The following FAF1 variants were observed in gnomAD, a reference collection of about 807,000 sequenced individuals.
The protein encoded by FAF1 is Fas associated factor 1, also known as FAS-associated factor 1.
FAF1 carries 25 observed loss-of-function variants against 92.5 expected under a neutral mutation model. The ratio of observed to expected loss-of-function variants is 0.27; its 90% confidence interval spans 0.20 to 0.38. The LOEUF is 0.38. Among genes scored for constraint, FAF1 ranks in the 10% least tolerant of loss-of-function variants. FAF1 has a pLI of 1.00. For synonymous variants in FAF1, 234 were observed against 273.2 expected (o/e 0.86, Z 1.42); for missense variants, 636 against 793.3 (o/e 0.80, Z 2.38).
chr1:50,596,292 T>A, intron 8 of FAF1, 76 bp from the exon 9 acceptor site: 1 of 1,012,074 alleles, frequency 9.9e-7, no homozygotes, highest in Non-Finnish European at 1.5e-6. Context: ...TTTCAGGTAT[T>A]TTCTATTATT....
chr1:50,861,654 C>A (rs750970343), intron 1 of FAF1, among the ~76,000 whole-genome samples: 8 of 151,640 alleles, frequency 5.3e-5, no homozygotes, highest in Non-Finnish European at 1.2e-4. Context: ...TACCACTATA[C>A]AATATATCCA....
intron 18 of FAF1, among the ~76,000 whole-genome samples, chr1:50,459,338 C>T (rs1348292606): frequency 2.0e-5 from 3 of 152,146 alleles, no homozygotes; most frequent in African/African-American, 7.2e-5. Context: ...AAATCTGCTC[C>T]AGTCACTGCC....
In FAF1 at chr1:50,960,119, G is replaced by A; in HGVS notation, c.-308C>T. On this transcript the variant is annotated 5_prime_UTR_variant, in exon 1 of 19. Coordinates refer to ENST00000396153, the MANE Select transcript of FAF1 (RefSeq NM_007051.3). ...TCTTACAGTCGCGGGCCAGGATGAG[G>A]GCAGGTTGCGACAGCGCGCACCCGG... 5.2e-6 allele frequency: 2 copies of A among 381,006 alleles called. No individual in the cohort carries two copies. Among genetic ancestry groups the A allele is most frequent in the Non-Finnish European group, 9.3e-6 (2 of 214,418 alleles). The allele number at this position is 381,006 out of a possible 1,614,324, so 23.6% of individuals were successfully genotyped here. A position where few individuals can be genotyped will look rare whatever the true frequency, so the allele number is the denominator to read the frequency against.
At chr1:50,858,432 G>T (rs1644407109) in intron 1 of FAF1, among the ~76,000 whole-genome samples, 1 of 151,686 alleles carries the variant, frequency 6.6e-6, no homozygotes, top group African/African-American at 2.4e-5. Flanking sequence ...CTAGATCTGT[G>T]CTGTCTGATA....
At position 50,596,077 on chromosome 1, in the gene FAF1, G is replaced by A. The variant is rs185238825; in HGVS notation, c.840+44C>T. The A allele has an allele frequency of 1.0e-3, 1,376 of 1,326,824 alleles. 1 individual carries two copies. The highest frequency in any genetic ancestry group is 1.6e-3 in the Admixed American group (90 of 57,182). 82.2% of individuals were successfully genotyped at this position (1,326,824 alleles called of 1,614,324 possible). On this transcript the variant is annotated intron_variant, in intron 9 of 18. Coordinates refer to ENST00000396153, the MANE Select transcript of FAF1 (RefSeq NM_007051.3). The stretch of plus-strand genomic sequence containing the variant: ...AAAAGGGAAGTGCGCAGGTAGGTGG[G>A]GGATGGGCCTTCTGTTCAAAGAAAA...
intron 13 of FAF1, among the ~76,000 whole-genome samples, chr1:50,551,275 C>T (rs1419416488): frequency 6.6e-6 from 1 of 152,092 alleles, no homozygotes; most frequent in Non-Finnish European, 1.5e-5. Context: ...AATGTTTTCC[C>T]AATTCAAGCA....
intron 13 of FAF1, among the ~76,000 whole-genome samples, chr1:50,559,128 G>A (rs931159167): frequency 2.6e-5 from 4 of 152,066 alleles, no homozygotes; most frequent in Non-Finnish European, 2.9e-5. Context: ...GCAAGCGCCT[G>A]TAGCCCCAGC....
intron 15 of FAF1, among the ~76,000 whole-genome samples, chr1:50,519,441 A>AG: frequency 7.4e-6 from 1 of 136,004 alleles, no homozygotes; most frequent in East Asian, 2.5e-4. Flanking sequence ...GGAAGGAAGG[A>AG]GGAGGGAAGG....
intron 4 of FAF1, among the ~76,000 whole-genome samples, chr1:50,751,592 T>A (rs943329847): frequency 6.6e-6 from 1 of 152,174 alleles, no homozygotes; most frequent in Non-Finnish European, 1.5e-5. Flanking sequence ...TCCACCCACC[T>A]CAGCCTCCCA....
chr1:50,659,718 A>C (rs1431178272), intron 7 of FAF1, among the ~76,000 whole-genome samples: 2 of 152,210 alleles, frequency 1.3e-5, no homozygotes, highest in African/African-American at 4.8e-5. Context: ...TACCAGCTGA[A>C]CATTAAACTT....
chr1:50,578,624 T>C (rs1212391127), intron 12 of FAF1, among the ~76,000 whole-genome samples: 2 of 152,192 alleles, frequency 1.3e-5, no homozygotes, highest in African/African-American at 4.8e-5. Context: ...ATGTAGCTTT[T>C]CTGGACTTTC....
Position 50,753,921 on chromosome 1 carries a change from C to T in FAF1, c.368-9146G>A, listed in dbSNP as rs111776925. 3.1e-3 allele frequency among the ~76,000 whole-genome samples: 465 copies of T among 152,086 alleles called. 4 individuals carry two copies. Among genetic ancestry groups the T allele is most frequent in the African/African-American group, 0.011 (439 of 41,496 alleles). ...TACAGGGGTACGCCACCATGCTCAG[C>T]TAATTTTTGTATTTTTGGCAGAGAC... On this transcript the variant is annotated intron_variant, in intron 4 of 18. Transcript: ENST00000396153.
chr1:50,571,784 T>C (rs1311648156), intron 12 of FAF1, among the ~76,000 whole-genome samples: 2 of 152,166 alleles, frequency 1.3e-5, no homozygotes, highest in African/African-American at 4.8e-5. Context: ...ACTCTTAGTG[T>C]CACAGAACCA....
At chr1:50,935,789 TAACACATAG>T (rs1463988954) in intron 1 of FAF1, among the ~76,000 whole-genome samples, 3 of 152,232 alleles carry the variant, frequency 2.0e-5, no homozygotes, top group Admixed American at 6.5e-5. Context: ...TTCTTAAAGC[TAACACATAG>T]AAGTAATTAT....
chr1:50,726,815 C>T (rs544003401), intron 6 of FAF1, among the ~76,000 whole-genome samples: 4 of 152,172 alleles, frequency 2.6e-5, no homozygotes, highest in East Asian at 1.9e-4. Context: ...GGTGACAGAG[C>T]GAGACTCTGT....
chr1:50,870,143 G>C (rs539363463), intron 1 of FAF1, among the ~76,000 whole-genome samples: 1 of 152,154 alleles, frequency 6.6e-6, no homozygotes, highest in South Asian at 2.1e-4. Context: ...CTACAGCACC[G>C]TGAAGATATT....
chr1:50,468,866 G>T (rs1646534323), intron 18 of FAF1, among the ~76,000 whole-genome samples: 1 of 152,136 alleles, frequency 6.6e-6, no homozygotes, highest in African/African-American at 2.4e-5. Context: ...AAAGTGTTGG[G>T]ATTACAGGCA....
intron 7 of FAF1, among the ~76,000 whole-genome samples, chr1:50,681,077 C>T (rs966883899): frequency 2.6e-5 from 4 of 151,996 alleles, no homozygotes; most frequent in African/African-American, 9.7e-5. Flanking sequence ...GACAGAGTCT[C>T]GCTCTGTCAC....
intron 4 of FAF1, among the ~76,000 whole-genome samples, chr1:50,778,879 C>T (rs894246264): frequency 6.6e-6 from 1 of 151,834 alleles, no homozygotes. Context: ...CTTGCTGCAT[C>T]GATTAACTTC....
Sources: gnomAD v4.1 joint callset for allele counts (sites outside exome capture counted in the v4.1 genomes callset) on GRCh38, gnomAD v4.1.1 for gene constraint, MANE v1.5 for transcripts, NCBI Gene and HGNC (gene_info 2026-07-23, HGNC 2026-07-21) for gene names.